RSRC1: variants seen among roughly 807,000 people sequenced by gnomAD.
RSRC1 encodes the protein arginine and serine rich coiled-coil 1, also known as serine/Arginine-related protein 53.
Under a neutral mutation model 49.1 loss-of-function variants are expected in RSRC1, and 39 were observed. That is an observed-to-expected ratio of 0.79 (90% CI 0.61 to 1.04). The LOEUF is 1.04. Among genes scored for constraint, RSRC1 ranks in the 50% least tolerant of loss-of-function variants. The probability of loss-of-function intolerance (pLI) is 0.00; values close to 1 mark genes in which losing one functional copy is unlikely to be tolerated. For synonymous variants in RSRC1, 143 were observed against 130.8 expected, an observed-to-expected ratio of 1.09 and a Z score of -0.63; for missense variants, 388 against 402.4, an observed-to-expected ratio of 0.96 and a Z score of 0.31.
chr3:158,316,438 A>ATTTTTTTTTTTTTTTTTTTTTTTTTTT (rs564633575), intron 5 of RSRC1, among the ~76,000 whole-genome samples: 2 of 72,240 alleles, frequency 2.8e-5, no homozygotes, highest in Non-Finnish European at 2.4e-5. Flanking sequence ...AGAATCTCTC[A>ATTTTTTTTTTTTTTTTTTTTTTTTTTT]TTTTTTTTTT....
At chr3:158,436,699 T>C (rs1435624562) in intron 6 of RSRC1, among the ~76,000 whole-genome samples, 1 of 151,844 alleles carries the variant, frequency 6.6e-6, no homozygotes, top group Non-Finnish European at 1.5e-5. Context: ...TTTTAAACAA[T>C]AATTACTATA....
chr3:158,147,459 A>G (rs1268841796), intron 3 of RSRC1, among the ~76,000 whole-genome samples: 2 of 151,234 alleles, frequency 1.3e-5, no homozygotes, highest in Non-Finnish European at 2.9e-5. Flanking sequence ...CTATCTCCAC[A>G]TTTAAGCCAT....
At chr3:158,446,738 A>C (rs913237020) in intron 6 of RSRC1, among the ~76,000 whole-genome samples, 1 of 152,036 alleles carries the variant, frequency 6.6e-6, no homozygotes, top group African/African-American at 2.4e-5. Context: ...CTTCTACCTT[A>C]AGCTGCCATT....
At chr3:158,518,143 TA>T (rs1560073768) in intron 7 of RSRC1, among the ~76,000 whole-genome samples, 2 of 119,644 alleles carry the variant, frequency 1.7e-5, no homozygotes, top group African/African-American at 7.2e-5. Flanking sequence ...TATATATATA[TA>T]TATATTTTTT....
At chr3:158,163,876 G>A (rs1350669179) in intron 3 of RSRC1, among the ~76,000 whole-genome samples, 1 of 151,830 alleles carries the variant, frequency 6.6e-6, no homozygotes, top group African/African-American at 2.4e-5. Context: ...ACCGTGAAAA[G>A]TAAATAGAAC....
chr3:158,174,333 A>G (rs983662788), intron 3 of RSRC1, among the ~76,000 whole-genome samples: 1 of 151,962 alleles, frequency 6.6e-6, no homozygotes, highest in Non-Finnish European at 1.5e-5. Context: ...AGTAAGCTAA[A>G]TGAAGTTTAT....
intron 7 of RSRC1, among the ~76,000 whole-genome samples, chr3:158,511,585 A>T (rs371884121): frequency 6.6e-6 from 1 of 151,936 alleles, no homozygotes; most frequent in Admixed American, 6.6e-5. Context: ...ATAAACATAC[A>T]TGTGCATGTG....
At chr3:158,258,204 T>TA (rs1441521679) in intron 4 of RSRC1, among the ~76,000 whole-genome samples, 2 of 142,540 alleles carry the variant, frequency 1.4e-5, no homozygotes, top group East Asian at 2.1e-4. Flanking sequence ...GAACTCCTTT[T>TA]AACCTTTTTT....
Position 158,482,248 on chromosome 3 carries a change from C to T in RSRC1, c.652+21245C>T, listed in dbSNP as rs1051230514. Among the ~76,000 whole-genome samples, 69 of 152,006 alleles carry T rather than the reference C, an allele frequency of 4.5e-4. 1 individual carries two copies. The highest frequency in any genetic ancestry group is 4.5e-3 in the Admixed American group (69 of 15,238). On this transcript the variant is annotated intron_variant, in intron 7 of 9. Coordinates refer to ENST00000611884, the MANE Select transcript of RSRC1 (RefSeq NM_001271838.2). ...AAAAACAGATAAATTAATAGCATTG[C>T]TGAGGGTCTTATCCAAAAAATAAAT...
At chr3:158,470,361 C>CATATATATATATATAT (rs59508977) in intron 7 of RSRC1, among the ~76,000 whole-genome samples, 1 of 100,310 alleles carries the variant, frequency 1.0e-5, no homozygotes, top group African/African-American at 3.3e-5. Flanking sequence ...CACACACACA[C>CATATATATATATATAT]ATATATATAT....
chr3:158,261,425 G>A (rs1724888056), intron 4 of RSRC1, among the ~76,000 whole-genome samples: 1 of 152,150 alleles, frequency 6.6e-6, no homozygotes, highest in African/African-American at 2.4e-5. Flanking sequence ...GGTGAAGTGT[G>A]TGTTTAAATC....
At chr3:158,251,303 T>C (rs1462216526) in intron 4 of RSRC1, among the ~76,000 whole-genome samples, 2 of 152,176 alleles carry the variant, frequency 1.3e-5, no homozygotes, top group African/African-American at 4.8e-5. Flanking sequence ...GTGTTCTGGA[T>C]CTTTTGTGGT....
intron 7 of RSRC1, among the ~76,000 whole-genome samples, chr3:158,493,465 A>G (rs973966923): frequency 5.3e-5 from 8 of 152,238 alleles, no homozygotes; most frequent in African/African-American, 1.9e-4. Context: ...GTTATTTCTA[A>G]AACAACTTTT....
chr3:158,377,845 G>T (rs1387884191), intron 6 of RSRC1, among the ~76,000 whole-genome samples: 1 of 151,840 alleles, frequency 6.6e-6, no homozygotes, highest in Non-Finnish European at 1.5e-5. Flanking sequence ...ATTTTTAGTA[G>T]AGGCAGGATT....
At chr3:158,462,760 ATACT>A (rs1737682638) in intron 7 of RSRC1, among the ~76,000 whole-genome samples, 1 of 101,012 alleles carries the variant, frequency 9.9e-6, no homozygotes, top group Admixed American at 1.1e-4. Context: ...GTAACTATAG[ATACT>A]TGAACATTAT....
chr3:158,233,383 C>T (rs935396146), intron 4 of RSRC1, among the ~76,000 whole-genome samples: 2 of 152,076 alleles, frequency 1.3e-5, no homozygotes, highest in African/African-American at 4.8e-5. Context: ...GTCTTGTTAA[C>T]AGCAGGTCTG....
chr3:158,498,996 G>A (rs1354244936), intron 7 of RSRC1, among the ~76,000 whole-genome samples: 1 of 152,158 alleles, frequency 6.6e-6, no homozygotes, highest in Non-Finnish European at 1.5e-5. Context: ...TTTGAAATCA[G>A]GCCGTGTGAT....
At chr3:158,261,157 C>G (rs1724873436) in intron 4 of RSRC1, among the ~76,000 whole-genome samples, 1 of 152,222 alleles carries the variant, frequency 6.6e-6, no homozygotes, top group Non-Finnish European at 1.5e-5. Context: ...CGCCTTCCCT[C>G]TATGCTTTAC....
chr3:158,411,530 T>C (rs944942691), intron 6 of RSRC1, among the ~76,000 whole-genome samples: 1 of 151,974 alleles, frequency 6.6e-6, no homozygotes, highest in Non-Finnish European at 1.5e-5. Context: ...TGTTTGTTTA[T>C]TTTTTAAGGC....
Sources: gnomAD v4.1 joint callset for allele counts (sites outside exome capture counted in the v4.1 genomes callset) on GRCh38, gnomAD v4.1.1 for gene constraint, MANE v1.5 for transcripts, NCBI Gene and HGNC (gene_info 2026-07-23, HGNC 2026-07-21) for gene names.